The following IL1RAPL2 variants were observed in gnomAD, a reference collection of about 807,000 sequenced individuals.
IL1RAPL2 encodes the protein X-linked interleukin-1 receptor accessory protein-like 2.
IL1RAPL2 carries 3 observed loss-of-function variants against 44.1 expected under a neutral mutation model. The ratio of observed to expected loss-of-function variants is 0.07; its 90% CI spans 0.03 to 0.18. The LOEUF (loss-of-function observed/expected upper bound fraction) is 0.18, where lower values mean the gene tolerates loss of function less well. Among genes scored for constraint, IL1RAPL2 ranks in the 10% least tolerant of loss-of-function variants. The probability of loss-of-function intolerance (pLI) is 1.00; values close to 1 mark genes in which losing one functional copy is unlikely to be tolerated. For missense variants in IL1RAPL2, 391 were observed against 496.4 expected (o/e 0.79, Z 2.02); for synonymous variants, 181 against 178.8 (o/e 1.01, Z -0.10).
chrX:104,761,622 A>T (rs1932429160), intron 2 of IL1RAPL2, among the ~76,000 whole-genome samples: 1 of 111,852 alleles, frequency 8.9e-6, no homozygotes, highest in Non-Finnish European at 1.9e-5. Context: ...CATCTGACAC[A>T]AGGCAAGTCC....
At position 104,674,598 on chromosome X, in the gene IL1RAPL2, T is replaced by G. The variant is rs190791967; in HGVS notation, c.82+15603T>G. Among the ~76,000 whole-genome samples, 203 of 111,298 alleles carry G rather than the reference T, an allele frequency of 1.8e-3. 3 individuals are homozygous for G. In the East Asian group the frequency reaches 0.034, roughly 19 times the overall value. ...CTCTGCCTGGCTTTGGTATCAGAAT[T>G]ATGCTGGCCTCATAAAATGAGTTAG... On this transcript the variant is annotated intron_variant, in intron 2 of 10. Coordinates refer to ENST00000372582, the MANE Select transcript of IL1RAPL2 (RefSeq NM_017416.2).
At chrX:104,612,690 G>GT (rs200689840) in intron 1 of IL1RAPL2, among the ~76,000 whole-genome samples, 19 of 108,974 alleles carry the variant, frequency 1.7e-4, no homozygotes, top group East Asian at 8.8e-4. Context: ...TTTTTGAATA[G>GT]TTTTTTTTTC....
chrX:104,716,952 T>C (rs1931579398), intron 2 of IL1RAPL2, among the ~76,000 whole-genome samples: 2 of 111,651 alleles, frequency 1.8e-5, no homozygotes, highest in Admixed American at 1.9e-4. Flanking sequence ...AATCATTCTG[T>C]TATAAAGACA....
At chrX:104,853,031 CT>C (rs1922269105) in intron 2 of IL1RAPL2, among the ~76,000 whole-genome samples, 1 of 111,709 alleles carries the variant, frequency 9.0e-6, no homozygotes, top group African/African-American at 3.3e-5. Flanking sequence ...TCAAAATCCC[CT>C]TTGGTTTAAA....
chrX:104,905,121 A>G (rs1923947425), intron 2 of IL1RAPL2, among the ~76,000 whole-genome samples: 1 of 111,400 alleles, frequency 9.0e-6, no homozygotes, highest in African/African-American at 3.3e-5. Flanking sequence ...GTGTCTGTTC[A>G]TGTCCTTCCC....
intron 2 of IL1RAPL2, among the ~76,000 whole-genome samples, chrX:104,664,135 A>G (rs1930447761): frequency 9.0e-6 from 1 of 111,143 alleles, no homozygotes; most frequent in Non-Finnish European, 1.9e-5. Flanking sequence ...TTTTAGCTGG[A>G]TGCCCAGATG....
At chrX:105,218,256 G>T (rs2033886232) in intron 3 of IL1RAPL2, among the ~76,000 whole-genome samples, 1 of 111,316 alleles carries the variant, frequency 9.0e-6, no homozygotes. Context: ...CTCTGTGCCT[G>T]TCTGCTCCCT....
intron 6 of IL1RAPL2, among the ~76,000 whole-genome samples, chrX:105,511,965 G>GGA (rs3037855): frequency 0.21 from 23,680 of 110,337 alleles, 6,284 homozygotes; most frequent in African/African-American, 0.75. Flanking sequence ...ACCTAAGAGA[G>GGA]ACTAAAAACT....
chrX:105,767,021 T>C lies in IL1RAPL2; in HGVS notation c.1421T>C (p.Leu474Pro). 8.3e-7 allele frequency: 1 copy of C among 1,209,078 alleles called. No homozygotes were observed. The highest frequency in any genetic ancestry group is 1.1e-6 in the Non-Finnish European group (1 of 893,149). The change falls in exon 11 of 11, where the codon CTA becomes CCA. Residue 474 changes from leucine to proline, a missense_variant. Transcript: ENST00000372582. ...CAAAGCAGAAGACTTATTATCGTGC[T>C]AACTCCAGACTATATTCTCAGACGG... ...VEQSRRLIIV[L>P]TPDYILRRGW...
intron 7 of IL1RAPL2, among the ~76,000 whole-genome samples, chrX:105,721,858 A>C (rs2038307761): frequency 8.9e-6 from 1 of 112,273 alleles, no homozygotes; most frequent in African/African-American, 3.2e-5. Flanking sequence ...AAAATTTCAC[A>C]AGACCCTACT....
chrX:105,680,092 C>T (rs1191431453), intron 6 of IL1RAPL2, among the ~76,000 whole-genome samples: 2 of 111,025 alleles, frequency 1.8e-5, no homozygotes, highest in African/African-American at 6.6e-5. Context: ...CCTCCGCCTC[C>T]CAGGTTCAAG....
At chrX:105,362,796 T>TA (rs1218817026) in intron 5 of IL1RAPL2, among the ~76,000 whole-genome samples, 2 of 111,881 alleles carry the variant, frequency 1.8e-5, no homozygotes, top group Non-Finnish European at 3.8e-5. Context: ...TGTGATATTT[T>TA]GATCTATGTG....
intron 5 of IL1RAPL2, among the ~76,000 whole-genome samples, chrX:105,392,164 TAAAAA>T (rs1340116861): frequency 9.3e-6 from 1 of 107,860 alleles, no homozygotes; most frequent in Admixed American, 1.0e-4. Flanking sequence ...AATAAAAAAA[TAAAAA>T]ATAAAAAAAA....
chrX:104,771,854 T>C (rs1283522789), intron 2 of IL1RAPL2, among the ~76,000 whole-genome samples: 1 of 111,909 alleles, frequency 8.9e-6, no homozygotes, highest in East Asian at 2.8e-4. Flanking sequence ...TTGGGCATAA[T>C]GATCAGAAAA....
intron 6 of IL1RAPL2, among the ~76,000 whole-genome samples, chrX:105,683,681 A>C (rs2037944756): frequency 8.9e-6 from 1 of 111,971 alleles, no homozygotes; most frequent in African/African-American, 3.2e-5. Context: ...AAATACATCA[A>C]ACACAGTTGT....
chrX:104,585,349 A>AT (rs1928526063), intron 1 of IL1RAPL2, among the ~76,000 whole-genome samples: 5 of 15,311 alleles, frequency 3.3e-4, no homozygotes, highest in African/African-American at 1.6e-3. Context: ...TATATTATAT[A>AT]TATTATATAT....
At chrX:105,434,724 C>T (rs933594820) in intron 5 of IL1RAPL2, among the ~76,000 whole-genome samples, 18 of 111,864 alleles carry the variant, frequency 1.6e-4, no homozygotes, top group Middle Eastern at 4.6e-3. Context: ...TAATTAGATC[C>T]CATTTGTCAA....
intron 5 of IL1RAPL2, among the ~76,000 whole-genome samples, chrX:105,429,547 A>C (rs947407953): frequency 1.8e-5 from 2 of 112,234 alleles, no homozygotes; most frequent in Non-Finnish European, 3.8e-5. Flanking sequence ...AAGAATCTGC[A>C]CTTTAACAAA....
At chrX:104,733,681 A>G (rs1931964190) in intron 2 of IL1RAPL2, among the ~76,000 whole-genome samples, 1 of 108,944 alleles carries the variant, frequency 9.2e-6, no homozygotes, top group African/African-American at 3.3e-5. Context: ...TGTTAAAACT[A>G]AAAAGAGTTC....
Sources: gnomAD v4.1 joint callset for allele counts (sites outside exome capture counted in the v4.1 genomes callset) on GRCh38, gnomAD v4.1.1 for gene constraint, MANE v1.5 for transcripts, NCBI Gene and HGNC (gene_info 2026-07-23, HGNC 2026-07-21) for gene names.